KLHL8: variants seen among roughly 807,000 people sequenced by gnomAD.
The protein encoded by KLHL8 is kelch-like protein 8.
KLHL8 carries 38 observed loss-of-function variants against 63.5 expected under a neutral mutation model. The ratio of observed to expected loss-of-function variants is 0.60; its 90% CI spans 0.46 to 0.78. KLHL8 has a LOEUF of 0.78. Among genes scored for constraint, KLHL8 ranks in the 30% least tolerant of loss-of-function variants. The pLI, the probability that KLHL8 is intolerant of heterozygous loss-of-function variation, is 0.00. For synonymous variants in KLHL8, 224 were observed against 254.3 expected (o/e 0.88, Z 1.13); for missense variants, 566 against 752.4 (o/e 0.75, Z 2.90).
chr4:87,164,941 G>A (rs569747895), intron 8 of KLHL8, among the ~76,000 whole-genome samples: 5 of 152,146 alleles, frequency 3.3e-5, no homozygotes, highest in African/African-American at 1.2e-4. Flanking sequence ...GAGGTCAGGA[G>A]ATCGAGACCA....
chr4:87,174,042 C>T (rs887734309), intron 6 of KLHL8, among the ~76,000 whole-genome samples: 3 of 151,898 alleles, frequency 2.0e-5, no homozygotes, highest in Admixed American at 6.6e-5. Context: ...AAATTAGAGG[C>T]AACATATCCC....
intron 1 of KLHL8, among the ~76,000 whole-genome samples, chr4:87,198,403 G>T (rs1357165744): frequency 6.6e-6 from 1 of 152,140 alleles, no homozygotes; most frequent in African/African-American, 2.4e-5. Context: ...TAAGATGGTT[G>T]ATTTAAACTC....
chr4:87,217,658 T>C (rs1732653478), intron 1 of KLHL8, among the ~76,000 whole-genome samples: 1 of 151,352 alleles, frequency 6.6e-6, no homozygotes, highest in South Asian at 2.1e-4. Flanking sequence ...TTTTTTTTTT[T>C]TTTTTTTGGA....
In KLHL8 at chr4:87,216,655, C is replaced by T. The variant is rs114047984; in HGVS notation, c.-152+3763G>A. Reference sequence around the variant, plus strand: ...AATTTCCCAAGGTCCCTCCAACCCTCTTCCATAATTCTCTCTCTGACTCAT... The same window carrying T: ...AATTTCCCAAGGTCCCTCCAACCCTTTTCCATAATTCTCTCTCTGACTCAT... On this transcript the variant is annotated intron_variant, in intron 1 of 9. Coordinates refer to ENST00000273963, the MANE Select transcript of KLHL8 (RefSeq NM_020803.5). Among the ~76,000 whole-genome samples, 611 of 152,244 alleles carry T rather than the reference C, an allele frequency of 4.0e-3. 4 individuals are homozygous for T. Among genetic ancestry groups the T allele is most frequent in the African/African-American group, 0.014 (594 of 41,564 alleles).
chr4:87,187,447 A>G (rs1193930404), intron 2 of KLHL8, among the ~76,000 whole-genome samples: 1 of 134,856 alleles, frequency 7.4e-6, no homozygotes, highest in African/African-American at 2.8e-5. Flanking sequence ...ATTTTGAGCT[A>G]TTTGTATTTC....
chr4:87,168,758 G>A (rs1417701357), intron 8 of KLHL8, among the ~76,000 whole-genome samples: 3 of 143,364 alleles, frequency 2.1e-5, no homozygotes, highest in East Asian at 2.0e-4. Flanking sequence ...GTATATATGT[G>A]TGTGTATATA....
At chr4:87,226,568 G>GCT (rs1226100384) in intron 1 of KLHL8, among the ~76,000 whole-genome samples, 929 of 92,436 alleles carry the variant, frequency 0.01, 193 homozygotes, top group Non-Finnish European at 0.012. Context: ...TCTCTCTCTC[G>GCT]CTCTCTCTCT....
intron 8 of KLHL8, 85 bp from the exon 9 acceptor site, chr4:87,164,164 A>G: frequency 3.3e-6 from 4 of 1,199,598 alleles, no homozygotes; most frequent in South Asian, 2.8e-5. Flanking sequence ...TTACAACCCA[A>G]TCTTTTAAAA....
intron 2 of KLHL8, among the ~76,000 whole-genome samples, chr4:87,192,331 T>C (rs991873262): frequency 1.3e-5 from 2 of 152,214 alleles, no homozygotes; most frequent in Admixed American, 1.3e-4. Context: ...TGGTATCTCT[T>C]TGTGGTTCTG....
chr4:87,217,389 A>G (rs947297707), intron 1 of KLHL8, among the ~76,000 whole-genome samples: 2 of 152,060 alleles, frequency 1.3e-5, no homozygotes, highest in African/African-American at 4.8e-5. Context: ...GCTGGAGTGC[A>G]GTGATGCAAT....
chr4:87,238,220 G>A (rs1328237378), intron 1 of KLHL8, among the ~76,000 whole-genome samples: 4 of 152,080 alleles, frequency 2.6e-5, no homozygotes, highest in East Asian at 1.9e-4. Context: ...AGGCGTGAAC[G>A]TCCACGCTCA....
intron 2 of KLHL8, among the ~76,000 whole-genome samples, chr4:87,191,524 T>C (rs1317897270): frequency 6.6e-6 from 1 of 152,176 alleles, no homozygotes; most frequent in Admixed American, 6.5e-5. Context: ...TTACTATTCC[T>C]TCATTCTTAC....
At chr4:87,236,617 TCA>T (rs1733234879) in intron 1 of KLHL8, among the ~76,000 whole-genome samples, 2 of 151,724 alleles carry the variant, frequency 1.3e-5, no homozygotes, top group Non-Finnish European at 2.9e-5. Context: ...AGACTTTTAT[TCA>T]TTGCGTACCT....
At chr4:87,184,449 C>T (rs1037180996) in intron 3 of KLHL8, among the ~76,000 whole-genome samples, 8 of 152,146 alleles carry the variant, frequency 5.3e-5, no homozygotes, top group African/African-American at 1.9e-4. Context: ...TCTGATAATG[C>T]TATTAGGAAA....
At position 87,178,585 on chromosome 4, in the gene KLHL8, C is replaced by A. The variant is rs757953871; in HGVS notation, c.988G>T (p.Gly330Cys). The change falls in exon 5 of 10, where the codon GGT becomes TGT. Residue 330 changes from glycine to cysteine, a missense_variant. Coordinates refer to ENST00000273963, the MANE Select transcript of KLHL8 (RefSeq NM_020803.5). ...CATTCAATACTGCGAAAGGGGTCAC[C>A]AGATCCACCTCGACCACCTACACAA... Reference protein sequence around the residue: ...LFCVGGRGGSGDPFRSIECYS... With the variant: ...LFCVGGRGGSCDPFRSIECYS... 1.9e-6 allele frequency: 3 copies of A among 1,604,864 alleles called. No homozygotes were observed. The highest frequency in any genetic ancestry group is 2.5e-6 in the Non-Finnish European group (3 of 1,177,354).
chr4:87,168,933 T>C (rs1730528210), intron 8 of KLHL8, among the ~76,000 whole-genome samples: 2 of 146,506 alleles, frequency 1.4e-5, no homozygotes, highest in Non-Finnish European at 3.0e-5. Context: ...TAAACCTGCA[T>C]GGGGTTTGGT....
At chr4:87,207,894 C>G (rs1578395704) in intron 1 of KLHL8, 1 of 1,504,348 alleles carries the variant, frequency 6.6e-7, no homozygotes, top group Non-Finnish European at 9.2e-7. Flanking sequence ...AGGGCCCCCT[C>G]AAGGGCATCC....
At chr4:87,182,345 T>A (rs1731088338) in intron 4 of KLHL8, among the ~76,000 whole-genome samples, 1 of 152,086 alleles carries the variant, frequency 6.6e-6, no homozygotes, top group African/African-American at 2.4e-5. Flanking sequence ...GGTAGGTGTA[T>A]GACTTTCAGC....
At position 87,195,579 on chromosome 4, in the gene KLHL8, A is replaced by G; in HGVS notation, c.-40T>C. On this transcript the variant is annotated 5_prime_UTR_variant, in exon 2 of 10. It removes an upstream start codon present in the reference 5' UTR. Transcript: ENST00000273963. Reference sequence around the variant, plus strand: ...TTTTAATAGAGCTCTCTTCTCAAACATGCCATTTATTTTTTTTCAAAGGGT... The same window carrying G: ...TTTTAATAGAGCTCTCTTCTCAAACGTGCCATTTATTTTTTTTCAAAGGGT... 1.3e-6 allele frequency: 2 copies of G among 1,523,830 alleles called. No homozygotes were observed. Among genetic ancestry groups the G allele is most frequent in the Non-Finnish European group, 1.8e-6 (2 of 1,106,078 alleles). 94.4% of individuals were successfully genotyped at this position (1,523,830 alleles called of 1,614,324 possible).
Sources: gnomAD v4.1 joint callset for allele counts (sites outside exome capture counted in the v4.1 genomes callset) on GRCh38, gnomAD v4.1.1 for gene constraint, MANE v1.5 for transcripts, NCBI Gene and HGNC (gene_info 2026-07-23, HGNC 2026-07-21) for gene names.